Variants in IGFBPL1 observed in about 807,000 individuals in gnomAD.
IGFBPL1 encodes insulin-like growth factor-binding protein-like 1.
IGFBPL1 carries 20 observed loss-of-function variants against 23.9 expected under a neutral mutation model. That is an observed-to-expected ratio of 0.84 (90% CI 0.59 to 1.22). The LOEUF (loss-of-function observed/expected upper bound fraction) is 1.22. Among genes scored for constraint, IGFBPL1 ranks in the 50% most tolerant of loss-of-function variants. The pLI is 0.00. For missense variants in IGFBPL1, 436 were observed against 379.3 expected (o/e 1.15, Z -1.24); for synonymous variants, 184 against 171.8 (o/e 1.07, Z -0.56).
In IGFBPL1 at chr9:38,407,794, C is replaced by G. The variant is rs1014345371; in HGVS notation, c.*1433G>C. ...TCTGCTAAAGGCAGGGACATTAACACCTGTCCTGCCCCATCTCCCAGAGTT... is the reference window on the plus strand; with the variant it reads ...TCTGCTAAAGGCAGGGACATTAACAGCTGTCCTGCCCCATCTCCCAGAGTT... On this transcript the variant is annotated 3_prime_UTR_variant, in exon 5 of 5. Coordinates refer to ENST00000377694, the MANE Select transcript of IGFBPL1 (RefSeq NM_001007563.3). 6.6e-6 allele frequency among the ~76,000 whole-genome samples: 1 copy of G among 152,218 alleles called. No homozygotes were observed. The highest frequency in any genetic ancestry group is 1.5e-5 in the Non-Finnish European group (1 of 68,044).
Position 38,414,076 on chromosome 9 carries a change from G to A in IGFBPL1, c.570+18C>T. The A allele has an allele frequency of 1.6e-6, 2 of 1,258,750 alleles. No homozygotes were observed. Among genetic ancestry groups the A allele is most frequent in the East Asian group, 2.3e-5 (1 of 43,486 alleles). 78.0% of individuals were successfully genotyped at this position (1,258,750 alleles called of 1,614,324 possible). On this transcript the variant is annotated intron_variant, in intron 2 of 4. Coordinates refer to ENST00000377694, the MANE Select transcript of IGFBPL1 (RefSeq NM_001007563.3). ...ACACACACACACACGAGATGCATGA[G>A]TTCTTGGACAGAAATACCTTTCTCC...
At chr9:38,413,987 TAAAAGA>T in intron 2 of IGFBPL1, 101 bp downstream of exon 2, 1 of 746,550 alleles carries the variant, frequency 1.3e-6, no homozygotes, top group African/African-American at 1.8e-5. Flanking sequence ...TAAACACACT[TAAAAGA>T]AAAACATTTT....
Position 38,411,312 on chromosome 9 carries a change from T to C in IGFBPL1, c.*9+79A>G. Reference sequence around the variant, plus strand: ...CCTCCATTTACGTATTTTTCTTCTTTTTTTTACAGGTCTTATAAGCCACCT... The same window carrying C: ...CCTCCATTTACGTATTTTTCTTCTTCTTTTTACAGGTCTTATAAGCCACCT... On this transcript the variant is annotated intron_variant, in intron 4 of 4. Coordinates refer to ENST00000377694, the MANE Select transcript of IGFBPL1 (RefSeq NM_001007563.3). The C allele has an allele frequency of 1.5e-6, 2 of 1,295,360 alleles. 1 individual carries two copies. The highest frequency in any genetic ancestry group is 2.9e-5 in the South Asian group (2 of 68,580). 80.2% of individuals were successfully genotyped at this position (1,295,360 alleles called of 1,614,324 possible). A position where few individuals can be genotyped will look rare whatever the true frequency, so the allele number is the denominator to read the frequency against.
At chr9:38,419,575 G>T (rs1363050266) in intron 1 of IGFBPL1, among the ~76,000 whole-genome samples, 1 of 152,052 alleles carries the variant, frequency 6.6e-6, no homozygotes, top group South Asian at 2.1e-4. Context: ...GCCCTGGCGG[G>T]TGCTGGCCGG....
intron 1 of IGFBPL1, among the ~76,000 whole-genome samples, chr9:38,420,919 TTTCC>T (rs113154357): frequency 0.026 from 4,025 of 152,234 alleles, 144 homozygotes; most frequent in East Asian, 0.12. Context: ...CTCCAGGGAA[TTTCC>T]TTCCATGTGC....
At chr9:38,413,967 C>CAT (rs1476837264) in intron 2 of IGFBPL1, 127 bp downstream of exon 2, 9 of 663,360 alleles carry the variant, frequency 1.4e-5, no homozygotes, top group Non-Finnish European at 1.9e-5. Context: ...CCTATAAAGG[C>CAT]ATATATATAT....
At chr9:38,422,762 T>A (rs935670875) in intron 1 of IGFBPL1, among the ~76,000 whole-genome samples, 10 of 152,338 alleles carry the variant, frequency 6.6e-5, no homozygotes, top group African/African-American at 2.2e-4. Context: ...TTCCCAGGAC[T>A]GGAGGCTTCC....
intron 4 of IGFBPL1, among the ~76,000 whole-genome samples, chr9:38,410,245 T>G (rs7863844): frequency 0.27 from 41,106 of 152,048 alleles, 6,083 homozygotes; most frequent in African/African-American, 0.39. Context: ...TACTTTGGGA[T>G]GCCAAGGCGG....
rs192983897 is a variant in IGFBPL1 at position 38,415,442 on chromosome 9, A to G, written c.461-1239T>C. Among the ~76,000 whole-genome samples the G allele has an allele frequency of 8.5e-5, 13 of 152,298 alleles. No homozygotes were observed. In the East Asian group the frequency reaches 2.3e-3, roughly 27 times the overall value. ...GGAAGGAGGTGACGGACAGCGTCGC[A>G]TCACACCCCAATGCTCAGGAGGATC... On this transcript the variant is annotated intron_variant, in intron 1 of 4. Coordinates refer to ENST00000377694, the MANE Select transcript of IGFBPL1 (RefSeq NM_001007563.3).
In IGFBPL1 at chr9:38,414,521, G is replaced by C. The variant is rs568731887; in HGVS notation, c.461-318C>G. Among the ~76,000 whole-genome samples, 6 of 152,240 alleles carry C rather than the reference G, an allele frequency of 3.9e-5. No homozygotes were observed. In the East Asian group the frequency reaches 9.7e-4, roughly 25 times the overall value. On this transcript the variant is annotated intron_variant, in intron 1 of 4. Coordinates refer to ENST00000377694, the MANE Select transcript of IGFBPL1 (RefSeq NM_001007563.3). ...CCTCCCAGGGTCCGTTCCAGGCTCC[G>C]GCTGCCATCTGCTATAGCTCAACCA...
intron 1 of IGFBPL1, among the ~76,000 whole-genome samples, chr9:38,423,542 A>AACTTCCCTTCCTCCCCTATCCTCT (rs368008268): frequency 2.0e-5 from 3 of 151,190 alleles, no homozygotes; most frequent in Admixed American, 1.3e-4. Context: ...CTGCATCCTC[A>AACTTCCCTTCCTCCCCTATCCTCT]ACTTCCCTTC....
intron 1 of IGFBPL1, 117 bp downstream of exon 1, chr9:38,423,848 G>C: frequency 9.9e-7 from 1 of 1,011,236 alleles, no homozygotes; most frequent in Non-Finnish European, 1.3e-6. Context: ...GCTCCCTAAG[G>C]GGAAACTGAG....
chr9:38,410,317 C>T (rs1181674576), intron 4 of IGFBPL1, among the ~76,000 whole-genome samples: 1 of 151,232 alleles, frequency 6.6e-6, no homozygotes. Context: ...CCCGTCTCTA[C>T]TAAAAATACA....
Position 38,424,353 on chromosome 9 carries a change from CG to C in IGFBPL1, c.71del (p.Pro24ArgfsTer155). 2.4e-6 allele frequency: 2 copies of C among 817,066 alleles called. No individual in the cohort carries two copies. Among genetic ancestry groups the C allele is most frequent in the Non-Finnish European group, 3.8e-6 (2 of 532,494 alleles). 50.6% of individuals were successfully genotyped at this position (817,066 alleles called of 1,614,324 possible). A position where few individuals can be genotyped will look rare whatever the true frequency, so the allele number is the denominator to read the frequency against. ...LLLPLLPPLS[P>X]SLGIRDVGGR... The stretch of plus-strand genomic sequence containing the variant: ...CGCCCACGTCGCGGATCCCAAGGCT[CG>C]GGGACAGCGGCGGCAGCAGCGGCAG... On this transcript the variant is annotated frameshift_variant, in exon 1 of 5. Coordinates refer to ENST00000377694, the MANE Select transcript of IGFBPL1 (RefSeq NM_001007563.3). LOFTEE classifies it high-confidence loss of function.
Position 38,423,986 on chromosome 9 carries a change from G to A in IGFBPL1, c.439C>T (p.Arg147Cys). The A allele has an allele frequency of 1.4e-6, 2 of 1,406,636 alleles. No individual in the cohort carries two copies. Among genetic ancestry groups the A allele is most frequent in the Non-Finnish European group, 1.8e-6 (2 of 1,089,898 alleles). 87.1% of individuals were successfully genotyped at this position (1,406,636 alleles called of 1,614,324 possible). A position where few individuals can be genotyped will look rare whatever the true frequency, so the allele number is the denominator to read the frequency against. ...RAHPGHLHKA[R>C]DGPCEFAPVV... The stretch of plus-strand genomic sequence containing the variant: ...TCACCGAACTCGCAAGGGCCGTCGC[G>A]CGCCTTGTGCAGGTGACCGGGGTGC... The change falls in exon 1 of 5, where the codon CGC becomes TGC. Residue 147 changes from arginine to cysteine, a missense_variant. By Grantham distance (180) the Arg-to-Cys change is radical (BLOSUM62 -3). Coordinates refer to ENST00000377694, the MANE Select transcript of IGFBPL1 (RefSeq NM_001007563.3).
chr9:38,410,500 ATGAT>A (rs1451186373), intron 4 of IGFBPL1, among the ~76,000 whole-genome samples: 1 of 67,106 alleles, frequency 1.5e-5, no homozygotes, highest in Non-Finnish European at 4.0e-5. Context: ...AAAAAAAAAA[ATGAT>A]TGGTCTGTAA....
At chr9:38,422,009 T>C (rs1821687545) in intron 1 of IGFBPL1, among the ~76,000 whole-genome samples, 1 of 152,256 alleles carries the variant, frequency 6.6e-6, no homozygotes, top group Non-Finnish European at 1.5e-5. Flanking sequence ...TCAGATCCCA[T>C]AGATCAGAGT....
chr9:38,413,337 T>C lies in IGFBPL1; in HGVS notation c.587A>G (p.Glu196Gly). 1 of 1,613,026 alleles carries C rather than the reference T, an allele frequency of 6.2e-7. No homozygotes were observed. Among genetic ancestry groups the C allele is most frequent in the Non-Finnish European group, 8.5e-7 (1 of 1,179,200 alleles). The change falls in exon 3 of 5, where the codon GAG becomes GGG. Residue 196 changes from glutamate to glycine, a missense_variant. Transcript: ENST00000377694. The stretch of plus-strand genomic sequence containing the variant: ...CAGCTCCTCCAGTGCTTGGGTGCCC[T>C]CAGGGGACTTCGTGACCTACAGGGG... Reference protein sequence around the residue: ...ITWRKVTKSPEGTQALEELPG... With the variant: ...ITWRKVTKSPGGTQALEELPG...
Position 38,424,394 on chromosome 9 carries a change from GC to G in IGFBPL1, c.30del (p.Leu11CysfsTer168). 1 of 639,724 alleles carries G rather than the reference GC, an allele frequency of 1.6e-6. No homozygotes were observed. Among genetic ancestry groups the G allele is most frequent in the Non-Finnish European group, 2.7e-6 (1 of 368,890 alleles). 39.6% of individuals were successfully genotyped at this position (639,724 alleles called of 1,614,324 possible). A position where few individuals can be genotyped will look rare whatever the true frequency, so the allele number is the denominator to read the frequency against. On this transcript the variant is annotated frameshift_variant, in exon 1 of 5. Coordinates refer to ENST00000377694, the MANE Select transcript of IGFBPL1 (RefSeq NM_001007563.3). LOFTEE classifies it high-confidence loss of function. ...AGCAGCGGCAGCAGCAGCAGAAGCAGCAGCGGCAAGAGCAGAGACAAGCGCG... is the reference window on the plus strand; with the variant it reads ...AGCAGCGGCAGCAGCAGCAGAAGCAGAGCGGCAAGAGCAGAGACAAGCGCG... MPRLSLLLP[L>X]LLLLLLPLLP...
Sources: allele counts gnomAD v4.1 joint callset (sites outside exome capture counted in the v4.1 genomes callset), GRCh38; gene constraint gnomAD v4.1.1; transcripts MANE v1.5; gene names NCBI Gene and HGNC (gene_info 2026-07-23, HGNC 2026-07-21).